JARID2: variants seen among roughly 807,000 people sequenced by gnomAD.
JARID2 encodes jumonji and AT-rich interaction domain containing 2.
Under a neutral mutation model 125.6 loss-of-function variants are expected in JARID2, and 21 were observed. The ratio of observed to expected loss-of-function variants is 0.17; its 90% CI spans 0.12 to 0.24. The LOEUF (loss-of-function observed/expected upper bound fraction) is 0.24. JARID2 is among the 10% of genes least tolerant of loss of function. The pLI, the probability that JARID2 is intolerant of heterozygous loss-of-function variation, is 1.00. For synonymous variants in JARID2, 736 were observed against 661.6 expected, an observed-to-expected ratio of 1.11 and a Z score of -1.73; for missense variants, 1,303 against 1,639.6, an observed-to-expected ratio of 0.79 and a Z score of 3.55.
At chr6:15,513,771 G>A (rs1771397809) in intron 16 of JARID2, among the ~76,000 whole-genome samples, 1 of 152,270 alleles carries the variant, frequency 6.6e-6, no homozygotes, top group African/African-American at 2.4e-5. Context: ...CTGAGGCAGT[G>A]AGGGGCGGGT....
At chr6:15,368,927 C>A (rs1010721478) in intron 1 of JARID2, among the ~76,000 whole-genome samples, 3 of 151,976 alleles carry the variant, frequency 2.0e-5, no homozygotes, top group Non-Finnish European at 2.9e-5. Context: ...AGATTCTGAG[C>A]CCCTAGATCT....
intron 2 of JARID2, among the ~76,000 whole-genome samples, chr6:15,378,754 A>G (rs1764468000): frequency 6.6e-6 from 1 of 152,166 alleles, no homozygotes; most frequent in Admixed American, 6.5e-5. Flanking sequence ...TTGTTTCTGG[A>G]TCTTTGATTA....
At chr6:15,342,482 C>A (rs1414595074) in intron 1 of JARID2, among the ~76,000 whole-genome samples, 1 of 152,198 alleles carries the variant, frequency 6.6e-6, no homozygotes, top group Non-Finnish European at 1.5e-5. Context: ...TTATTAGCAC[C>A]TACCTAGCAT....
At position 15,320,852 on chromosome 6, in the gene JARID2, CTG is replaced by C. The variant is rs71944757; in HGVS notation, c.46-53235_46-53234del. 5.0e-3 allele frequency among the ~76,000 whole-genome samples: 726 copies of C among 145,016 alleles called. 1 individual carries two copies. The highest frequency in any genetic ancestry group is 0.021 in the Middle Eastern group (6 of 280). Reference sequence around the variant, plus strand: ...AATATGATTCATTCTCTCTCTCTCTCTGTGTGTGTGTGTGTGTGTGTGTGTGT... The same window carrying C: ...AATATGATTCATTCTCTCTCTCTCTCTGTGTGTGTGTGTGTGTGTGTGTGT... On this transcript the variant is annotated intron_variant, in intron 1 of 17. Coordinates refer to ENST00000341776, the MANE Select transcript of JARID2 (RefSeq NM_004973.4).
chr6:15,272,183 G>A (rs532759047), intron 1 of JARID2, among the ~76,000 whole-genome samples: 1 of 152,228 alleles, frequency 6.6e-6, no homozygotes, highest in Non-Finnish European at 1.5e-5. Flanking sequence ...CAATTGTAAG[G>A]CTTGAGCATT....
chr6:15,260,723 T>A (rs1245896798), intron 1 of JARID2, among the ~76,000 whole-genome samples: 1 of 152,202 alleles, frequency 6.6e-6, no homozygotes, highest in Non-Finnish European at 1.5e-5. Flanking sequence ...ACTCTAATGA[T>A]GCTATTAAAA....
At chr6:15,249,589 A>G (rs1759358976) in intron 1 of JARID2, among the ~76,000 whole-genome samples, 2 of 152,200 alleles carry the variant, frequency 1.3e-5, no homozygotes, top group African/African-American at 2.4e-5. Flanking sequence ...TGCATGGAAG[A>G]TGTAAAACAG....
intron 1 of JARID2, among the ~76,000 whole-genome samples, chr6:15,263,868 C>A (rs1237329279): frequency 6.6e-6 from 1 of 152,152 alleles, no homozygotes; most frequent in African/African-American, 2.4e-5. Flanking sequence ...GCTGGGATTA[C>A]AGGCGTGAGC....
intron 4 of JARID2, among the ~76,000 whole-genome samples, chr6:15,454,759 C>CA (rs1768079340): frequency 6.6e-6 from 1 of 151,886 alleles, no homozygotes; most frequent in African/African-American, 2.4e-5. Flanking sequence ...GCTGGGATGA[C>CA]AGGCATGAGC....
chr6:15,415,431 G>C (rs371884330), intron 3 of JARID2, among the ~76,000 whole-genome samples: 7 of 150,276 alleles, frequency 4.7e-5, no homozygotes, highest in East Asian at 4.0e-4. Context: ...GGGGCGGCTG[G>C]CCGGGCGGGG....
intron 9 of JARID2, among the ~76,000 whole-genome samples, chr6:15,505,852 C>T (rs368277276): frequency 2.0e-5 from 3 of 152,244 alleles, no homozygotes; most frequent in African/African-American, 4.8e-5. Context: ...TTCCAGAGCA[C>T]GCGTTGCGTT....
At chr6:15,408,734 A>G (rs1225625718) in intron 2 of JARID2, among the ~76,000 whole-genome samples, 1 of 152,192 alleles carries the variant, frequency 6.6e-6, no homozygotes, top group African/African-American at 2.4e-5. Context: ...TCTTATCCAC[A>G]CTGGGCATAT....
In JARID2 at chr6:15,496,266, C is replaced by T. The variant is rs1770417056; in HGVS notation, c.1041C>T (p.Val347=). 1.9e-6 allele frequency: 3 copies of T among 1,614,068 alleles called. No individual in the cohort carries two copies. Among genetic ancestry groups the T allele is most frequent in the Non-Finnish European group, 2.5e-6 (3 of 1,180,052 alleles). The change falls in exon 7 of 18, where the codon GTC becomes GTT. Residue 347 remains valine (V), a synonymous_variant. Coordinates refer to ENST00000341776, the MANE Select transcript of JARID2 (RefSeq NM_004973.4). ...KYTATVTKGA[V]TYTKAKRELV... ...CTGCCACGGTGACGAAGGGGGCTGT[C>T]ACATACACCAAAGCCAAGAGAGAAC... is the stretch of plus-strand genomic sequence containing the variant.
Position 15,499,336 on chromosome 6 carries a change from G to GA in JARID2, c.1946-1569dup, listed in dbSNP as rs560630752. Among the ~76,000 whole-genome samples the GA allele has an allele frequency of 2.7e-3, 408 of 152,356 alleles. 3 individuals carry two copies. The highest frequency in any genetic ancestry group is 9.4e-3 in the African/African-American group (390 of 41,584). On this transcript the variant is annotated intron_variant, in intron 7 of 17. Coordinates refer to ENST00000341776, the MANE Select transcript of JARID2 (RefSeq NM_004973.4). Reference sequence around the variant, plus strand: ...GTGCCGCTGGCGGGAGTTGGGTGGGGAAGGGGCTCGGCCACGTAGCAGCCT... The same window carrying GA: ...GTGCCGCTGGCGGGAGTTGGGTGGGGAAAGGGGCTCGGCCACGTAGCAGCCT...
At chr6:15,358,236 G>A (rs952592895) in intron 1 of JARID2, among the ~76,000 whole-genome samples, 2 of 152,036 alleles carry the variant, frequency 1.3e-5, no homozygotes, top group Non-Finnish European at 2.9e-5. Flanking sequence ...GCTTATAAGC[G>A]TTTCTATCAT....
At chr6:15,391,494 GC>G (rs910344088) in intron 2 of JARID2, among the ~76,000 whole-genome samples, 11 of 152,274 alleles carry the variant, frequency 7.2e-5, no homozygotes, top group African/African-American at 2.4e-4. Context: ...CTGTGGGAGA[GC>G]ATCCGATGGG....
At chr6:15,366,235 A>G (rs545028220) in intron 1 of JARID2, among the ~76,000 whole-genome samples, 36 of 152,296 alleles carry the variant, frequency 2.4e-4, no homozygotes, top group African/African-American at 8.7e-4. Flanking sequence ...AAAGGCATTC[A>G]TGTACAGGAT....
At chr6:15,278,840 G>A (rs759524710) in intron 1 of JARID2, among the ~76,000 whole-genome samples, 9 of 152,148 alleles carry the variant, frequency 5.9e-5, no homozygotes, top group South Asian at 2.1e-4. Context: ...AGGCTGAGGC[G>A]GGCAGATCAC....
At chr6:15,409,782 ATGCCTTTTCTTG>A in intron 2 of JARID2, among the ~76,000 whole-genome samples, 1 of 152,322 alleles carries the variant, frequency 6.6e-6, no homozygotes, top group South Asian at 2.1e-4. Flanking sequence ...AAAGATAAGG[ATGCCTTTTCTTG>A]TGTGGCAGGT....
Sources: gnomAD v4.1 joint callset for allele counts (sites outside exome capture counted in the v4.1 genomes callset) on GRCh38, gnomAD v4.1.1 for gene constraint, MANE v1.5 for transcripts, NCBI Gene and HGNC (gene_info 2026-07-23, HGNC 2026-07-21) for gene names.